Variants in NRCAM observed in about 807,000 individuals in gnomAD.
The protein encoded by NRCAM is neuronal cell adhesion molecule.
Under a neutral mutation model 156.5 loss-of-function variants are expected in NRCAM, and 83 were observed. The ratio of observed to expected loss-of-function variants is 0.53; its 90% CI spans 0.44 to 0.64. The LOEUF (loss-of-function observed/expected upper bound fraction) is 0.64, where lower values mean the gene tolerates loss of function less well. Ranked by LOEUF, NRCAM falls within the 30% of genes least tolerant of loss-of-function variation. NRCAM has a pLI of 0.00. For synonymous variants in NRCAM, 538 were observed against 563.9 expected (o/e 0.95, Z 0.65); for missense variants, 1,417 against 1,597.3 (o/e 0.89, Z 1.92).
chr7:108,292,745 T>C (rs2098339215), intron 3 of NRCAM, among the ~76,000 whole-genome samples: 1 of 152,162 alleles, frequency 6.6e-6, no homozygotes, highest in Non-Finnish European at 1.5e-5. Flanking sequence ...ATAGGGTTAT[T>C]ACGAAGTTTA....
intron 2 of NRCAM, among the ~76,000 whole-genome samples, chr7:108,317,313 C>T (rs2098938781): frequency 6.6e-6 from 1 of 152,096 alleles, no homozygotes; most frequent in African/African-American, 2.4e-5. Flanking sequence ...GGTCCTTTTT[C>T]TATGTCTATA....
intron 3 of NRCAM, among the ~76,000 whole-genome samples, chr7:108,245,277 ATT>A (rs1024107085): frequency 2.6e-5 from 4 of 151,992 alleles, no homozygotes; most frequent in Non-Finnish European, 5.9e-5. Flanking sequence ...ATATCCTCTT[ATT>A]TTTTAATTAG....
intron 3 of NRCAM, among the ~76,000 whole-genome samples, chr7:108,257,466 T>C (rs1374741489): frequency 6.6e-6 from 1 of 152,178 alleles, no homozygotes; most frequent in African/African-American, 2.4e-5. Context: ...TCAAATATAA[T>C]ACTCTAGTCC....
chr7:108,440,772 G>A (rs909402346), intron 1 of NRCAM, among the ~76,000 whole-genome samples: 2 of 152,300 alleles, frequency 1.3e-5, no homozygotes, highest in East Asian at 1.9e-4. Flanking sequence ...GGTCAGAAGC[G>A]GTGAGTTCTG....
chr7:108,344,922 A>G (rs1029501382), intron 2 of NRCAM, among the ~76,000 whole-genome samples: 1 of 152,190 alleles, frequency 6.6e-6, no homozygotes, highest in Non-Finnish European at 1.5e-5. Flanking sequence ...CTTTCATTAT[A>G]TGAAGTCAAG....
At chr7:108,186,279 A>T (rs988820560) in intron 20 of NRCAM, among the ~76,000 whole-genome samples, 2 of 152,154 alleles carry the variant, frequency 1.3e-5, no homozygotes, top group Admixed American at 1.3e-4. Flanking sequence ...TGTAGCCCAG[A>T]CCTCTTCCCT....
chr7:108,160,544 A>T, intron 30 of NRCAM, 52 bp from the exon 31 acceptor site: 1 of 1,552,576 alleles, frequency 6.4e-7, no homozygotes, highest in Non-Finnish European at 8.7e-7. Flanking sequence ...GGAGATGGGA[A>T]CTGCTGCAGT....
chr7:108,193,977 G>C (rs2073698636), intron 17 of NRCAM, 47 bp downstream of exon 17: 1 of 1,586,920 alleles, frequency 6.3e-7, no homozygotes, highest in Admixed American at 1.7e-5. Flanking sequence ...TTCAAGAATA[G>C]CTTAAAGAAA....
At chr7:108,381,746 A>C (rs2099702504) in intron 2 of NRCAM, among the ~76,000 whole-genome samples, 2 of 152,110 alleles carry the variant, frequency 1.3e-5, no homozygotes, top group South Asian at 4.2e-4. Context: ...TTTTTAATAG[A>C]GACGGGGTTT....
intron 2 of NRCAM, among the ~76,000 whole-genome samples, chr7:108,324,878 T>A (rs7777299): frequency 0.27 from 2,909 of 10,658 alleles, 168 homozygotes; most frequent in East Asian, 0.46. Context: ...GGCACTGTAC[T>A]TTTTTTTTTT....
rs1442613536 is a variant in NRCAM at position 108,439,324 on chromosome 7, AT to A, written c.-332+16918del. 2.0e-5 allele frequency among the ~76,000 whole-genome samples: 3 copies of A among 152,346 alleles called. No individual in the cohort carries two copies. The East Asian group carries it at 5.8e-4, about 29-fold the overall frequency. The stretch of plus-strand genomic sequence containing the variant: ...ACAACCCACAAAATAGGAGAAACAT[AT>A]TCACAAGCCATATATTTGATAAGGA... On this transcript the variant is annotated intron_variant, in intron 1 of 32. Coordinates refer to ENST00000379028, the MANE Select transcript of NRCAM (RefSeq NM_001037132.4).
intron 32 of NRCAM, among the ~76,000 whole-genome samples, chr7:108,157,775 G>T (rs527474246): frequency 1.3e-5 from 2 of 152,238 alleles, no homozygotes; most frequent in South Asian, 4.1e-4. Context: ...TGATGTTTGA[G>T]ACCCAGGTGG....
intron 29 of NRCAM, among the ~76,000 whole-genome samples, chr7:108,167,477 T>C (rs933023571): frequency 3.3e-5 from 5 of 152,226 alleles, no homozygotes; most frequent in African/African-American, 7.2e-5. Flanking sequence ...ATTCACAAGA[T>C]GAATCTTTTA....
At chr7:108,408,455 G>A (rs1051351387) in intron 1 of NRCAM, among the ~76,000 whole-genome samples, 1 of 152,198 alleles carries the variant, frequency 6.6e-6, no homozygotes, top group Non-Finnish European at 1.5e-5. Flanking sequence ...CCAAGCTGCT[G>A]AGCTGGGCAC....
intron 32 of NRCAM, among the ~76,000 whole-genome samples, chr7:108,150,918 A>T (rs1024374528): frequency 6.6e-6 from 1 of 152,162 alleles, no homozygotes; most frequent in African/African-American, 2.4e-5. Context: ...TATATTCTAA[A>T]GAATGTGAAT....
chr7:108,348,905 G>GA (rs60746037), intron 2 of NRCAM, among the ~76,000 whole-genome samples: 11,140 of 126,166 alleles, frequency 0.088, 636 homozygotes, highest in African/African-American at 0.16. Flanking sequence ...TCCATCTCAG[G>GA]AAAAAAAAAA....
At chr7:108,417,129 C>A (rs17155706) in intron 1 of NRCAM, among the ~76,000 whole-genome samples, 7,325 of 152,254 alleles carry the variant, frequency 0.048, 364 homozygotes, top group African/African-American at 0.13. Context: ...CGCTTCCCTC[C>A]ATTTGATCAA....
chr7:108,263,243 G>A (rs541312021), intron 3 of NRCAM, among the ~76,000 whole-genome samples: 3 of 152,136 alleles, frequency 2.0e-5, no homozygotes, highest in African/African-American at 4.8e-5. Context: ...ATTTCACTGC[G>A]TTCATGAAAC....
intron 28 of NRCAM, among the ~76,000 whole-genome samples, chr7:108,172,835 A>T (rs947747003): frequency 6.6e-6 from 1 of 152,158 alleles, no homozygotes; most frequent in African/African-American, 2.4e-5. Context: ...ACATTTGAAA[A>T]CTTAGGTTTC....
Sources: gnomAD v4.1 joint callset for allele counts (sites outside exome capture counted in the v4.1 genomes callset) on GRCh38, gnomAD v4.1.1 for gene constraint, MANE v1.5 for transcripts, NCBI Gene and HGNC (gene_info 2026-07-23, HGNC 2026-07-21) for gene names.